UVRAG: variants seen among roughly 807,000 people sequenced by gnomAD.
UVRAG encodes UV radiation resistance-associated gene protein.
In UVRAG, 19 loss-of-function variants were observed where a neutral mutation model predicts 78.0. The ratio of observed to expected loss-of-function variants is 0.24; its 90% CI spans 0.17 to 0.36. The LOEUF is 0.36. Ranked by LOEUF, UVRAG falls within the 10% of genes least tolerant of loss-of-function variation. The pLI is 1.00. For synonymous variants in UVRAG, 323 were observed against 324.6 expected (o/e 1.00, Z 0.05); for missense variants, 740 against 853.8 (o/e 0.87, Z 1.66).
At chr11:76,057,378 G>A (rs570625698) in intron 12 of UVRAG, among the ~76,000 whole-genome samples, 11 of 152,262 alleles carry the variant, frequency 7.2e-5, no homozygotes, top group African/African-American at 2.2e-4. Context: ...ACTTATGGGG[G>A]AAGGTTAAAT....
chr11:76,085,108 T>A (rs1031209581), intron 13 of UVRAG, among the ~76,000 whole-genome samples: 28 of 146,888 alleles, frequency 1.9e-4, no homozygotes, highest in Non-Finnish European at 1.2e-4. Context: ...TTCTGATGAA[T>A]CCCCCACCAC....
At chr11:75,932,265 C>A (rs1399853095) in intron 6 of UVRAG, among the ~76,000 whole-genome samples, 2 of 149,566 alleles carry the variant, frequency 1.3e-5, no homozygotes, top group Non-Finnish European at 1.5e-5. Context: ...ATTATATGAT[C>A]TTTATTTATT....
intron 7 of UVRAG, among the ~76,000 whole-genome samples, chr11:75,965,858 A>G (rs80054614): frequency 0.024 from 3,647 of 152,308 alleles, 145 homozygotes; most frequent in African/African-American, 0.083. Context: ...GAATCATAAC[A>G]GGAAAGTTTG....
rs142335185 is a variant in UVRAG at position 75,928,751 on chromosome 11, A to G, written c.593+16712A>G. ...TCAGGAGATTGAGACTATCCTGGCT[A>G]ACATGGTGAAACCCCGTCTTTACTA... is the stretch of plus-strand genomic sequence containing the variant. On this transcript the variant is annotated intron_variant, in intron 6 of 14. Transcript: ENST00000356136. 6.4e-3 allele frequency among the ~76,000 whole-genome samples: 978 copies of G among 151,834 alleles called. 10 individuals are homozygous for G. Among genetic ancestry groups the G allele is most frequent in the African/African-American group, 0.023 (930 of 41,260 alleles).
intron 8 of UVRAG, chr11:75,983,717 A>G: frequency 1.6e-6 from 1 of 610,386 alleles, no homozygotes; most frequent in Non-Finnish European, 2.6e-6. Context: ...CTCAGATGGT[A>G]TAAACTACTA....
intron 14 of UVRAG, among the ~76,000 whole-genome samples, chr11:76,119,226 C>T (rs963327976): frequency 6.6e-6 from 1 of 152,176 alleles, no homozygotes; most frequent in African/African-American, 2.4e-5. Flanking sequence ...AAACACTCTT[C>T]CTTGTTATCT....
chr11:76,044,511 G>C (rs144161417), intron 12 of UVRAG, among the ~76,000 whole-genome samples: 1,562 of 152,304 alleles, frequency 0.01, 28 homozygotes, highest in African/African-American at 0.036. Context: ...GCGGCTCACG[G>C]CTGTAATCCC....
intron 5 of UVRAG, among the ~76,000 whole-genome samples, chr11:75,892,006 A>C (rs7109235): frequency 0.14 from 21,083 of 152,202 alleles, 3,271 homozygotes; most frequent in African/African-American, 0.38. Flanking sequence ...GATTTAAATT[A>C]TGTGACTAAA....
At chr11:75,828,681 A>G (rs1254731884) in intron 1 of UVRAG, among the ~76,000 whole-genome samples, 3 of 133,080 alleles carry the variant, frequency 2.3e-5, no homozygotes, top group African/African-American at 8.2e-5. Context: ...AAATATATAC[A>G]CATATACATG....
intron 3 of UVRAG, among the ~76,000 whole-genome samples, chr11:75,878,872 C>T (rs537555310): frequency 6.8e-5 from 7 of 102,322 alleles, no homozygotes; most frequent in Admixed American, 1.4e-4. Context: ...AGAGAGAGAC[C>T]GTGGGGAGAC....
Position 76,016,844 on chromosome 11 carries a change from C to G in UVRAG, c.1090C>G (p.Leu364Val). ...AKDDGSIAVALGYTAHLVSMI... is the reference protein window; with the variant it reads ...AKDDGSIAVAVGYTAHLVSMI... ...AGATGATGGAAGCATTGCTGTTGCC[C>G]TTGGTTATACTGCACATCTGGTCTC... is the stretch of plus-strand genomic sequence containing the variant. Residue 364 changes from leucine to valine, a missense_variant, in exon 12 of 15, where the codon CTT becomes GTT. Leu to Val is a conservative substitution (Grantham distance 32). Coordinates refer to ENST00000356136, the MANE Select transcript of UVRAG (RefSeq NM_003369.4). 1 of 1,603,060 alleles carries G rather than the reference C, an allele frequency of 6.2e-7. No homozygotes were observed. Among genetic ancestry groups the G allele is most frequent in the African/African-American group, 1.3e-5 (1 of 74,840 alleles).
intron 12 of UVRAG, among the ~76,000 whole-genome samples, chr11:76,035,121 T>C (rs1244235144): frequency 6.6e-6 from 1 of 152,194 alleles, no homozygotes; most frequent in African/African-American, 2.4e-5. Flanking sequence ...AGCGAATATT[T>C]ATTTTTGAGT....
intron 6 of UVRAG, among the ~76,000 whole-genome samples, chr11:75,934,728 T>C (rs567706149): frequency 6.6e-6 from 1 of 152,312 alleles, no homozygotes; most frequent in South Asian, 2.1e-4. Context: ...ATCTCATACC[T>C]AAAATGTTCT....
At chr11:76,064,425 A>G (rs1045848651) in intron 12 of UVRAG, among the ~76,000 whole-genome samples, 1 of 152,222 alleles carries the variant, frequency 6.6e-6, no homozygotes, top group African/African-American at 2.4e-5. Flanking sequence ...CACTTTGCTT[A>G]TCCTGAATTT....
intron 12 of UVRAG, among the ~76,000 whole-genome samples, chr11:76,054,789 G>A (rs1950945594): frequency 6.6e-6 from 1 of 152,172 alleles, no homozygotes; most frequent in Non-Finnish European, 1.5e-5. Context: ...ATGAAGACAG[G>A]AACTTTTTTT....
rs200068368 is a variant in UVRAG, at chr11:75,828,713, GTA to G, written c.117+13197_117+13198del. 6.6e-5 allele frequency among the ~76,000 whole-genome samples: 7 copies of G among 106,606 alleles called. No individual in the cohort carries two copies. In the East Asian group the frequency reaches 1.7e-3, roughly 26 times the overall value. 69.9% of individuals were successfully genotyped at this position (106,606 alleles called of 152,430 possible). A position where few individuals can be genotyped will look rare whatever the true frequency, so the allele number is the denominator to read the frequency against. On this transcript the variant is annotated intron_variant, in intron 1 of 14. Transcript: ENST00000356136. Reference sequence around the variant, plus strand: ...CATGTGTGTGTATATATATATATGTGTATATATATGTGTGTGTGTATATATAT... The same window carrying G: ...CATGTGTGTGTATATATATATATGTGTATATATGTGTGTGTGTATATATAT...
rs919824852 is a variant in UVRAG at position 76,018,324 on chromosome 11, A to T, written c.1226+1344A>T. Among the ~76,000 whole-genome samples the T allele has an allele frequency of 1.8e-4, 27 of 147,820 alleles. No individual in the cohort carries two copies. The East Asian group carries it at 2.7e-3, about 15-fold the overall frequency. On this transcript the variant is annotated intron_variant, in intron 12 of 14. Transcript: ENST00000356136. ...CCATTGTATGTTACTTGTTTCTTTA[A>T]AAAAAAAAAAGATAGAGCTTTATTG...
At chr11:75,847,033 C>T (rs1946049323) in intron 1 of UVRAG, among the ~76,000 whole-genome samples, 1 of 151,120 alleles carries the variant, frequency 6.6e-6, no homozygotes, top group Admixed American at 6.6e-5. Flanking sequence ...CCATGTTAGC[C>T]AGGCTACTCT....
chr11:76,141,577 T>C lies in UVRAG; in HGVS notation c.*164T>C, dbSNP rs1337919161. The C allele has an allele frequency of 1.3e-6, 1 of 766,700 alleles. No homozygotes were observed. 47.5% of individuals were successfully genotyped at this position (766,700 alleles called of 1,614,324 possible). A position where few individuals can be genotyped will look rare whatever the true frequency, so the allele number is the denominator to read the frequency against. ...TGAAGGAGGGACTCAGGATCATTGT[T>C]ATCAGTGGGCCAAAGTTAGATTTTG... On this transcript the variant is annotated 3_prime_UTR_variant, in exon 15 of 15. Coordinates refer to ENST00000356136, the MANE Select transcript of UVRAG (RefSeq NM_003369.4).
Sources: gnomAD v4.1 joint callset for allele counts (sites outside exome capture counted in the v4.1 genomes callset) on GRCh38, gnomAD v4.1.1 for gene constraint, MANE v1.5 for transcripts, NCBI Gene and HGNC (gene_info 2026-07-23, HGNC 2026-07-21) for gene names.